The following RSRC1 variants were observed in gnomAD, a reference collection of about 807,000 sequenced individuals.
The protein encoded by RSRC1 is arginine and serine rich coiled-coil 1, also known as serine/Arginine-related protein 53.
Under a neutral mutation model 49.1 loss-of-function variants are expected in RSRC1, and 39 were observed. The ratio of observed to expected loss-of-function variants is 0.79; its 90% CI spans 0.61 to 1.04. The LOEUF is 1.04. Among genes scored for constraint, RSRC1 ranks in the 50% least tolerant of loss-of-function variants. The pLI, the probability that RSRC1 is intolerant of heterozygous loss-of-function variation, is 0.00. For missense variants in RSRC1, 388 were observed against 402.4 expected (o/e 0.96, Z 0.31); for synonymous variants, 143 against 130.8 (o/e 1.09, Z -0.63).
intron 3 of RSRC1, among the ~76,000 whole-genome samples, chr3:158,157,870 A>G (rs2108220670): frequency 6.6e-6 from 1 of 152,196 alleles, no homozygotes; most frequent in Middle Eastern, 3.4e-3. Context: ...ATCTGAGATC[A>G]CACCATTGCA....
At chr3:158,234,084 A>G (rs1014570999) in intron 4 of RSRC1, among the ~76,000 whole-genome samples, 1 of 152,190 alleles carries the variant, frequency 6.6e-6, no homozygotes, top group Admixed American at 6.6e-5. Flanking sequence ...TGTGACAGTG[A>G]GACACCTTAC....
chr3:158,279,901 C>T (rs1031840920), intron 4 of RSRC1, among the ~76,000 whole-genome samples: 2 of 152,094 alleles, frequency 1.3e-5, no homozygotes, highest in Non-Finnish European at 2.9e-5. Flanking sequence ...ATCAGTGGGA[C>T]TCTGGGAAAC....
chr3:158,292,817 C>CT (rs1038800254), intron 4 of RSRC1, among the ~76,000 whole-genome samples: 1 of 152,248 alleles, frequency 6.6e-6, no homozygotes, highest in East Asian at 1.9e-4. Flanking sequence ...CCTTCTTACT[C>CT]TTTCACAGCA....
At chr3:158,424,034 T>C (rs1018452014) in intron 6 of RSRC1, among the ~76,000 whole-genome samples, 2 of 151,460 alleles carry the variant, frequency 1.3e-5, no homozygotes, top group Non-Finnish European at 2.9e-5. Context: ...ACAATTTGAC[T>C]TCCTCTTTTC....
In RSRC1 at chr3:158,321,600, T is replaced by G. The variant is rs1197829155; in HGVS notation, c.531+23525T>G. Among the ~76,000 whole-genome samples the G allele has an allele frequency of 2.0e-5, 3 of 151,320 alleles. No homozygotes were observed. The East Asian group carries it at 5.8e-4, about 29-fold the overall frequency. ...TAAACACACTATGTATTTATATGTA[T>G]TATATATGAGTGATAGTCTGACTGT... On this transcript the variant is annotated intron_variant, in intron 5 of 9. Transcript: ENST00000611884.
At chr3:158,184,142 A>T (rs577600361) in intron 3 of RSRC1, among the ~76,000 whole-genome samples, 1 of 152,190 alleles carries the variant, frequency 6.6e-6, no homozygotes, top group African/African-American at 2.4e-5. Context: ...AAAAAGTATA[A>T]TTTTTGATTT....
At chr3:158,227,558 G>C (rs1176329594) in intron 4 of RSRC1, among the ~76,000 whole-genome samples, 1 of 152,038 alleles carries the variant, frequency 6.6e-6, no homozygotes, top group East Asian at 1.9e-4. Flanking sequence ...GAGCCTTGGT[G>C]GTGGTAGGTA....
At chr3:158,355,950 A>T (rs1215452636) in intron 6 of RSRC1, among the ~76,000 whole-genome samples, 2 of 151,874 alleles carry the variant, frequency 1.3e-5, no homozygotes, top group African/African-American at 4.8e-5. Context: ...CTATACATAC[A>T]TACCTATGAT....
chr3:158,385,478 A>C (rs6798405), intron 6 of RSRC1, among the ~76,000 whole-genome samples: 14,097 of 152,204 alleles, frequency 0.093, 2,215 homozygotes, highest in African/African-American at 0.33. Context: ...CTTTGGTAGC[A>C]GTGAAGTGCA....
chr3:158,539,104 AG>A lies in RSRC1; in HGVS notation c.759+1908del. Among the ~76,000 whole-genome samples the A allele has an allele frequency of 9.0e-6, 1 of 110,502 alleles. No homozygotes were observed. Among genetic ancestry groups the A allele is most frequent in the Non-Finnish European group, 1.9e-5 (1 of 51,794 alleles). 72.5% of individuals were successfully genotyped at this position (110,502 alleles called of 152,430 possible). A position where few individuals can be genotyped will look rare whatever the true frequency, so the allele number is the denominator to read the frequency against. On this transcript the variant is annotated intron_variant, in intron 8 of 9. Coordinates refer to ENST00000611884, the MANE Select transcript of RSRC1 (RefSeq NM_001271838.2). This position sits in a 1 kb window ranked among gnomAD's most constrained non-coding sequence, Gnocchi z 4.1. ...GATGGACTATCCCTAATGCATAGCA[AG>A]GATTTAACTCTCTTGAGGACTGAGT... is the stretch of plus-strand genomic sequence containing the variant.
intron 6 of RSRC1, among the ~76,000 whole-genome samples, chr3:158,422,904 C>T (rs1003964744): frequency 2.0e-5 from 3 of 151,940 alleles, no homozygotes; most frequent in African/African-American, 4.8e-5. Flanking sequence ...ATGTCCTTCG[C>T]CCACTTTTTG....
intron 1 of RSRC1, among the ~76,000 whole-genome samples, chr3:158,111,233 C>T (rs1196174810): frequency 2.0e-5 from 3 of 152,176 alleles, no homozygotes; most frequent in Non-Finnish European, 4.4e-5. Context: ...CCTCTCTAGT[C>T]TTAGAGTTTA....
rs111354646 is a variant in RSRC1 at position 158,323,426 on chromosome 3, C to T, written c.531+25351C>T. 8.8e-3 allele frequency among the ~76,000 whole-genome samples: 1,343 copies of T among 152,214 alleles called. 22 individuals carry two copies. The highest frequency in any genetic ancestry group is 0.031 in the African/African-American group (1,302 of 41,522). On this transcript the variant is annotated intron_variant, in intron 5 of 9. Coordinates refer to ENST00000611884, the MANE Select transcript of RSRC1 (RefSeq NM_001271838.2). ...AGGTGGAGCAAATTCACAATTCTCCCGGACTTCCAATCTTCATCTGGTTCT... is the reference window on the plus strand; with the variant it reads ...AGGTGGAGCAAATTCACAATTCTCCTGGACTTCCAATCTTCATCTGGTTCT...
intron 6 of RSRC1, among the ~76,000 whole-genome samples, chr3:158,435,148 CTG>C (rs1031791124): frequency 6.6e-6 from 1 of 151,828 alleles, no homozygotes. Context: ...TGAAAGAACA[CTG>C]TGTTAAAGCT....
At chr3:158,543,581 A>G in intron 9 of RSRC1, 94 bp downstream of exon 9, 1 of 1,301,382 alleles carries the variant, frequency 7.7e-7, no homozygotes, top group African/African-American at 1.5e-5. Context: ...CAAGGAGACC[A>G]TTGGAGGAAA....
rs1374349574 is a variant in RSRC1, at chr3:158,403,673, TAAG to T, written c.583+48768_583+48770del. Among the ~76,000 whole-genome samples, 6 of 151,904 alleles carry T rather than the reference TAAG, an allele frequency of 3.9e-5. 1 individual carries two copies. In the South Asian group the frequency reaches 1.2e-3, roughly 31 times the overall value. On this transcript the variant is annotated intron_variant, in intron 6 of 9. Transcript: ENST00000611884. ...AAACTTATTTTAAATAAATGAAAAT[TAAG>T]AAACAATTTTCTTTGTTGCTTAAAA...
At chr3:158,245,463 G>A (rs1723838092) in intron 4 of RSRC1, among the ~76,000 whole-genome samples, 1 of 152,224 alleles carries the variant, frequency 6.6e-6, no homozygotes, top group Non-Finnish European at 1.5e-5. Flanking sequence ...TAGAGTAAAT[G>A]CTGTGTGGTG....
At chr3:158,404,647 G>C (rs1331968458) in intron 6 of RSRC1, among the ~76,000 whole-genome samples, 27 of 151,836 alleles carry the variant, frequency 1.8e-4, no homozygotes, top group Admixed American at 1.6e-3. Context: ...AGAAAATTGA[G>C]ATTGAAGTAG....
chr3:158,442,482 C>A (rs1283404350), intron 6 of RSRC1, among the ~76,000 whole-genome samples: 1 of 152,006 alleles, frequency 6.6e-6, no homozygotes, highest in Non-Finnish European at 1.5e-5. Context: ...AATTTCTCAT[C>A]CCTTCAGGTT....
Sources: gnomAD v4.1 joint callset for allele counts (sites outside exome capture counted in the v4.1 genomes callset) on GRCh38, gnomAD v4.1.1 for gene constraint, Gnocchi (gnomAD v3.1) non-coding constraint, MANE v1.5 for transcripts, NCBI Gene and HGNC (gene_info 2026-07-23, HGNC 2026-07-21) for gene names.